Variants in RUBCN observed in about 807,000 individuals in gnomAD.
RUBCN encodes the protein run domain Beclin-1-interacting and cysteine-rich domain-containing protein.
A neutral mutation model predicts 113.2 loss-of-function variants in RUBCN; 74 were observed. The ratio of observed to expected loss-of-function variants is 0.65; its 90% CI spans 0.54 to 0.79. RUBCN has a LOEUF of 0.79. RUBCN is among the 30% of genes least tolerant of loss of function. The pLI, the probability that RUBCN is intolerant of heterozygous loss-of-function variation, is 0.00. For missense variants in RUBCN, 1,109 were observed against 1,251.7 expected (o/e 0.89, Z 1.72); for synonymous variants, 480 against 490.0 (o/e 0.98, Z 0.27).
chr3:197,734,473 G>A (rs139227230), intron 1 of RUBCN, among the ~76,000 whole-genome samples: 3 of 151,362 alleles, frequency 2.0e-5, no homozygotes, highest in African/African-American at 4.9e-5. Context: ...AGTTCTGCCA[G>A]GGATTCGCTG....
intron 2 of RUBCN, among the ~76,000 whole-genome samples, chr3:197,717,246 A>G (rs1369038127): frequency 6.6e-6 from 1 of 152,106 alleles, no homozygotes; most frequent in Non-Finnish European, 1.5e-5. Flanking sequence ...CACTGAGACC[A>G]TCCTGGCTAA....
intron 1 of RUBCN, among the ~76,000 whole-genome samples, chr3:197,726,569 T>C (rs1726781189): frequency 6.7e-6 from 1 of 149,802 alleles, no homozygotes; most frequent in Non-Finnish European, 1.5e-5. Context: ...AGACAGAGTC[T>C]CGCTCTGTCA....
At chr3:197,686,008 TG>T (rs899188585) in intron 11 of RUBCN, among the ~76,000 whole-genome samples, 1 of 152,124 alleles carries the variant, frequency 6.6e-6, no homozygotes, top group Admixed American at 6.5e-5. Context: ...AATGATTAAT[TG>T]GCTAAAAGCA....
At chr3:197,714,380 G>A (rs992917345) in intron 2 of RUBCN, among the ~76,000 whole-genome samples, 1 of 152,112 alleles carries the variant, frequency 6.6e-6, no homozygotes, top group Non-Finnish European at 1.5e-5. Context: ...GGCTGCAGTG[G>A]CACAATCATA....
At chr3:197,725,179 A>G (rs1313034707) in intron 1 of RUBCN, among the ~76,000 whole-genome samples, 1 of 152,208 alleles carries the variant, frequency 6.6e-6, no homozygotes, top group Non-Finnish European at 1.5e-5. Flanking sequence ...AATGCCAGAA[A>G]GTACTTCCTG....
At chr3:197,698,614 T>G (rs1723271675) in intron 7 of RUBCN, among the ~76,000 whole-genome samples, 1 of 151,812 alleles carries the variant, frequency 6.6e-6, no homozygotes, top group South Asian at 2.1e-4. Flanking sequence ...CATGCAAGTA[T>G]ATCTAAGACC....
intron 9 of RUBCN, 73 bp downstream of exon 9, chr3:197,695,793 A>C: frequency 7.4e-7 from 1 of 1,350,736 alleles, no homozygotes; most frequent in Non-Finnish European, 1.1e-6. Flanking sequence ...CCTCATCAGA[A>C]CAAATGGCAC....
chr3:197,702,586 C>T (rs1034782423), intron 5 of RUBCN, among the ~76,000 whole-genome samples: 2 of 152,134 alleles, frequency 1.3e-5, no homozygotes, highest in African/African-American at 2.4e-5. Flanking sequence ...TCACTTGAAC[C>T]CGGGAGGCGG....
chr3:197,730,637 A>G (rs1727311567), intron 1 of RUBCN, among the ~76,000 whole-genome samples: 1 of 151,412 alleles, frequency 6.6e-6, no homozygotes, highest in African/African-American at 2.4e-5. Flanking sequence ...TGCTGTGCCA[A>G]GGCCCGGAGC....
chr3:197,749,447 A>C, exon 1 of RUBCN: 1 of 1,248,770 alleles, frequency 8.0e-7, no homozygotes, highest in Non-Finnish European at 1.0e-6. Context: ...AGCTCAGCGC[A>C]GCTGTAGGTG....
chr3:197,687,240 G>A (rs1283129529), intron 11 of RUBCN, among the ~76,000 whole-genome samples: 1 of 152,146 alleles, frequency 6.6e-6, no homozygotes, highest in Non-Finnish European at 1.5e-5. Context: ...CTTCAAAATG[G>A]AGAACCCAAA....
chr3:197,704,804 C>T (rs1724102661), intron 3 of RUBCN, 103 bp from the exon 4 acceptor site: 1 of 1,248,250 alleles, frequency 8.0e-7, no homozygotes, highest in African/African-American at 1.5e-5. Flanking sequence ...AAGGGAAATG[C>T]TTTGAAAGGC....
rs776599958 is a variant in RUBCN, at chr3:197,684,181, T to A, written c.1823A>T (p.Lys608Ile). 7 of 1,613,564 alleles carry A rather than the reference T, an allele frequency of 4.3e-6. No individual in the cohort carries two copies. Among genetic ancestry groups the A allele is most frequent in the Non-Finnish European group, 5.9e-6 (7 of 1,179,650 alleles). Residue 608 changes from lysine (K) to isoleucine (I), a missense_variant, in exon 12 of 20, where the codon AAA becomes ATA. Physicochemically the swap from Lys to Ile is moderately radical, Grantham distance 102 (BLOSUM62 -3). Around this residue, in one of 3 missense-constraint regions of RUBCN, gnomAD observed 736 missense variants for 779.6 expected, o/e 0.94. Transcript: ENST00000296343. ...DIRRNTASSS[K>I]SFVSSQSFSH... ...CAAGGACTGGGAGGAAACGAAGGAT[T>A]TGCTGCTTGAGGCTGTGTTCCTTCT...
intron 7 of RUBCN, among the ~76,000 whole-genome samples, chr3:197,698,030 A>G (rs1723205257): frequency 6.6e-6 from 1 of 152,198 alleles, no homozygotes; most frequent in South Asian, 2.1e-4. Context: ...GTAAAAAACC[A>G]TGATATGACT....
chr3:197,720,802 T>C (rs1726069982), intron 1 of RUBCN, among the ~76,000 whole-genome samples: 3 of 152,184 alleles, frequency 2.0e-5, no homozygotes. Flanking sequence ...ACACCGATTG[T>C]GTTTCCCCTG....
chr3:197,682,003 AAG>A, intron 14 of RUBCN, 104 bp from the exon 15 acceptor site: 1 of 867,156 alleles, frequency 1.2e-6, no homozygotes, highest in Non-Finnish European at 1.9e-6. Context: ...TAAGTATGGG[AAG>A]AGAGGGGAAT....
chr3:197,737,050 A>C, upstream of RUBCN: 103 of 667,874 alleles, frequency 1.5e-4, no homozygotes, highest in East Asian at 5.7e-4. Flanking sequence ...GCGCCCTCCA[A>C]TCCCAGGCCG....
chr3:197,692,330 C>A lies in RUBCN; in HGVS notation c.1786+1385G>T, dbSNP rs140537947. On this transcript the variant is annotated intron_variant, in intron 11 of 19. Transcript: ENST00000296343. ...TGTGCTCGTGATCTCTTCCTTAGTC[C>A]CTGTGTACTTCTTCATGTGGCTGCT... Among the ~76,000 whole-genome samples, 891 of 152,040 alleles carry A rather than the reference C, an allele frequency of 5.9e-3. 6 individuals carry two copies. The highest frequency in any genetic ancestry group is 0.017 in the Middle Eastern group (5 of 294).
intron 1 of RUBCN, among the ~76,000 whole-genome samples, chr3:197,727,165 C>T (rs1350953191): frequency 6.6e-6 from 1 of 152,094 alleles, no homozygotes; most frequent in Non-Finnish European, 1.5e-5. Context: ...GTCTCGAACT[C>T]TTGACTTCAA....
Sources: allele counts gnomAD v4.1 joint callset (sites outside exome capture counted in the v4.1 genomes callset), GRCh38; gene constraint gnomAD v4.1.1; regional missense constraint gnomAD v4.1.1; transcripts MANE v1.5; gene names NCBI Gene and HGNC (gene_info 2026-07-23, HGNC 2026-07-21).